The following B4GALNT3 variants were observed in gnomAD, a reference collection of about 807,000 sequenced individuals.
B4GALNT3 encodes beta-1,4-N-acetylgalactosaminyltransferase 3.
Under a neutral mutation model 120.2 loss-of-function variants are expected in B4GALNT3, and 86 were observed. The observed-to-expected ratio is 0.72, with a 90% CI of 0.60 to 0.86. B4GALNT3 has a LOEUF of 0.86. Ranked by LOEUF, B4GALNT3 falls within the 40% of genes least tolerant of loss-of-function variation. B4GALNT3 has a pLI of 0.00. For synonymous variants in B4GALNT3, 518 were observed against 510.4 expected (o/e 1.01, Z -0.20); for missense variants, 1,167 against 1,298.9 (o/e 0.90, Z 1.56).
chr12:540,718 G>C (rs577581826), intron 3 of B4GALNT3, among the ~76,000 whole-genome samples: 1 of 152,220 alleles, frequency 6.6e-6, no homozygotes, highest in Admixed American at 6.5e-5. Context: ...CTTCTGGGAA[G>C]CTTCAGAGGT....
intron 1 of B4GALNT3, among the ~76,000 whole-genome samples, chr12:461,869 A>G (rs1946026115): frequency 6.6e-6 from 1 of 152,200 alleles, no homozygotes; most frequent in Admixed American, 6.5e-5. Flanking sequence ...TAGCGGGGGA[A>G]TCAAGGGAAA....
chr12:556,217 T>C (rs556187757), intron 14 of B4GALNT3, among the ~76,000 whole-genome samples: 1 of 152,236 alleles, frequency 6.6e-6, no homozygotes, highest in Non-Finnish European at 1.5e-5. Context: ...TTTTGTCTTA[T>C]GGAATGTTGA....
Position 533,018 on chromosome 12 carries a change from A to G in B4GALNT3, c.170-2148A>G, listed in dbSNP as rs1946822233. On this transcript the variant is annotated intron_variant, in intron 1 of 19. Coordinates refer to ENST00000266383, the MANE Select transcript of B4GALNT3 (RefSeq NM_173593.4). ...TTTCCCCACAAGCTTCTCTTGAGTAAGAAGTTTTTAGTCATAAGAATGAAG... is the reference window on the plus strand; with the variant it reads ...TTTCCCCACAAGCTTCTCTTGAGTAGGAAGTTTTTAGTCATAAGAATGAAG... 2.6e-5 allele frequency among the ~76,000 whole-genome samples: 4 copies of G among 152,294 alleles called. No individual in the cohort carries two copies. In the South Asian group the frequency reaches 8.3e-4, roughly 32 times the overall value.
chr12:480,062 C>G (rs1185957586), intron 1 of B4GALNT3, among the ~76,000 whole-genome samples: 2 of 151,890 alleles, frequency 1.3e-5, no homozygotes, highest in African/African-American at 4.8e-5. Context: ...TACAGGCGCT[C>G]GCCACCACCC....
chr12:544,811 C>T (rs1946971298), intron 4 of B4GALNT3, 71 bp from the exon 5 acceptor site: 2 of 1,503,078 alleles, frequency 1.3e-6, no homozygotes, highest in Non-Finnish European at 1.8e-6. Context: ...CCTGGTCTTC[C>T]CGCCAATCCT....
At chr12:516,068 C>T (rs1333144197) in intron 1 of B4GALNT3, among the ~76,000 whole-genome samples, 1 of 151,812 alleles carries the variant, frequency 6.6e-6, no homozygotes, top group Non-Finnish European at 1.5e-5. Flanking sequence ...ATGGCATGAA[C>T]CCGGGAGGCA....
intron 3 of B4GALNT3, 45 bp from the exon 4 acceptor site, chr12:544,294 A>G (rs1217809958): frequency 6.3e-7 from 1 of 1,582,506 alleles, no homozygotes; most frequent in South Asian, 1.1e-5. Flanking sequence ...TGGGGCGGGC[A>G]TGGGGTGCTC....
In B4GALNT3 at chr12:561,811, C is replaced by G. The variant is rs1947235748; in HGVS notation, c.*360C>G. ...CACATCCCCCAAGCGCTCCTCACGC[C>G]AAGCGCTGACCACCAGACCCTCTTC... On this transcript the variant is annotated 3_prime_UTR_variant, in exon 20 of 20. Coordinates refer to ENST00000266383, the MANE Select transcript of B4GALNT3 (RefSeq NM_173593.4). The G allele has an allele frequency of 5.1e-6, 1 of 196,994 alleles. No homozygotes were observed. The highest frequency in any genetic ancestry group is 1.0e-5 in the Non-Finnish European group (1 of 95,734). 12.2% of individuals were successfully genotyped at this position (196,994 alleles called of 1,614,324 possible).
intron 12 of B4GALNT3, 146 bp downstream of exon 12, chr12:552,309 A>G: frequency 6.6e-6 from 5 of 755,604 alleles, no homozygotes; most frequent in Non-Finnish European, 1.1e-5. Context: ...ACACACACAC[A>G]CACACACACA....
chr12:483,116 C>T (rs1175551594), intron 1 of B4GALNT3, among the ~76,000 whole-genome samples: 6 of 151,992 alleles, frequency 3.9e-5, no homozygotes, highest in East Asian at 3.9e-4. Context: ...TACCGTGTTG[C>T]CCAGGCTGGT....
At chr12:461,950 A>G (rs1353440119) in intron 1 of B4GALNT3, among the ~76,000 whole-genome samples, 2 of 152,176 alleles carry the variant, frequency 1.3e-5, no homozygotes, top group Non-Finnish European at 2.9e-5. Flanking sequence ...CAGTCTGGAT[A>G]CGAAGACTGA....
At chr12:545,673 T>TGTGGGGAGGAGCGAGGA (rs1946987072) in intron 6 of B4GALNT3, among the ~76,000 whole-genome samples, 2 of 80,342 alleles carry the variant, frequency 2.5e-5, no homozygotes, top group African/African-American at 9.3e-5. Context: ...AGGAGCGAGG[T>TGTGGGGAGGAGCGAGGA]GTGGGGAGGA....
At chr12:544,091 G>A (rs1426453534) in intron 3 of B4GALNT3, among the ~76,000 whole-genome samples, 1 of 126,622 alleles carries the variant, frequency 7.9e-6, no homozygotes, top group Non-Finnish European at 1.7e-5. Flanking sequence ...GGCATGGGGT[G>A]CTCATCTTCC....
At chr12:483,305 T>C (rs1049867006) in intron 1 of B4GALNT3, among the ~76,000 whole-genome samples, 1 of 152,156 alleles carries the variant, frequency 6.6e-6, no homozygotes, top group African/African-American at 2.4e-5. Context: ...GTGAGACAGC[T>C]AGAGAAAAGT....
At chr12:463,689 A>G (rs1946048584) in intron 1 of B4GALNT3, among the ~76,000 whole-genome samples, 1 of 152,238 alleles carries the variant, frequency 6.6e-6, no homozygotes, top group African/African-American at 2.4e-5. Context: ...CTAATATTTC[A>G]TGGAAATGGT....
chr12:521,602 T>C (rs1032786850), intron 1 of B4GALNT3, among the ~76,000 whole-genome samples: 1 of 152,212 alleles, frequency 6.6e-6, no homozygotes, highest in Admixed American at 6.5e-5. Context: ...TTTTAGTTCC[T>C]GGGCCGTCAC....
chr12:513,927 A>G (rs1227996806), intron 1 of B4GALNT3, among the ~76,000 whole-genome samples: 1 of 152,298 alleles, frequency 6.6e-6, no homozygotes, highest in African/African-American at 2.4e-5. Context: ...TGTTGTGTGG[A>G]TAGACCACAT....
At chr12:488,711 T>A (rs774033524) in intron 1 of B4GALNT3, among the ~76,000 whole-genome samples, 4 of 151,988 alleles carry the variant, frequency 2.6e-5, no homozygotes, top group Middle Eastern at 3.2e-3. Context: ...CTCCAGCTAC[T>A]TGGGAGGCAG....
intron 4 of B4GALNT3, 111 bp downstream of exon 4, chr12:544,545 C>A: frequency 1.0e-6 from 1 of 980,246 alleles, no homozygotes; most frequent in Non-Finnish European, 1.6e-6. Flanking sequence ...TCTCCTTTAT[C>A]TCTTGAGCTC....
Sources: gnomAD v4.1 joint callset for allele counts (sites outside exome capture counted in the v4.1 genomes callset) on GRCh38, gnomAD v4.1.1 for gene constraint, MANE v1.5 for transcripts, NCBI Gene and HGNC (gene_info 2026-07-23, HGNC 2026-07-21) for gene names.